The following CADM1 variants were observed in gnomAD, a reference collection of about 807,000 sequenced individuals.
The protein encoded by CADM1 is TSLC-1.
Under a neutral mutation model 53.1 loss-of-function variants are expected in CADM1, and 15 were observed. The observed-to-expected ratio is 0.28, with a 90% CI of 0.19 to 0.44. The LOEUF (loss-of-function observed/expected upper bound fraction) is 0.44, where lower values mean the gene tolerates loss of function less well. Ranked by LOEUF, CADM1 falls within the 20% of genes least tolerant of loss-of-function variation. The pLI, the probability that CADM1 is intolerant of heterozygous loss-of-function variation, is 1.00. For synonymous variants in CADM1, 281 were observed against 243.0 expected (o/e 1.16, Z -1.45); for missense variants, 434 against 611.3 (o/e 0.71, Z 3.06).
chr11:115,297,335 C>T (rs1331999853), intron 1 of CADM1, among the ~76,000 whole-genome samples: 1 of 152,174 alleles, frequency 6.6e-6, no homozygotes, highest in East Asian at 1.9e-4. Context: ...GACAGGTAGA[C>T]AGATGTTCAG....
At chr11:115,331,413 A>C (rs899865901) in intron 1 of CADM1, among the ~76,000 whole-genome samples, 24 of 152,220 alleles carry the variant, frequency 1.6e-4, no homozygotes, top group African/African-American at 5.5e-4. Context: ...CCCTGCAGGC[A>C]GATCTGTGAA....
chr11:115,423,647 C>T (rs1947817216), intron 1 of CADM1, among the ~76,000 whole-genome samples: 1 of 152,190 alleles, frequency 6.6e-6, no homozygotes, highest in South Asian at 2.1e-4. Context: ...GGTAACCTCA[C>T]TTTGAACCTT....
intron 9 of CADM1, among the ~76,000 whole-genome samples, chr11:115,197,379 G>A (rs1295914785): frequency 6.6e-6 from 1 of 152,160 alleles, no homozygotes; most frequent in Admixed American, 6.5e-5. Context: ...AACAGGCAAA[G>A]CGATTAAAGT....
intron 1 of CADM1, among the ~76,000 whole-genome samples, chr11:115,479,822 C>A (rs965423879): frequency 4.6e-5 from 7 of 152,162 alleles, no homozygotes; most frequent in Non-Finnish European, 8.8e-5. Flanking sequence ...CTTGTCTAGG[C>A]TAAGGACATG....
chr11:115,276,883 G>A (rs1158388430), intron 1 of CADM1, among the ~76,000 whole-genome samples: 1 of 151,946 alleles, frequency 6.6e-6, no homozygotes, highest in East Asian at 1.9e-4. Flanking sequence ...CCCTCATACT[G>A]TCATCTGTCC....
At chr11:115,346,351 A>C (rs1945577495) in intron 1 of CADM1, among the ~76,000 whole-genome samples, 1 of 152,182 alleles carries the variant, frequency 6.6e-6, no homozygotes, top group African/African-American at 2.4e-5. Flanking sequence ...AAAACATTAC[A>C]AAATCAACTC....
At chr11:115,270,599 A>G (rs1169056873) in intron 1 of CADM1, among the ~76,000 whole-genome samples, 1 of 152,222 alleles carries the variant, frequency 6.6e-6, no homozygotes, top group African/African-American at 2.4e-5. Flanking sequence ...CTGATGGCCC[A>G]GCAAAGCTCC....
intron 1 of CADM1, among the ~76,000 whole-genome samples, chr11:115,274,906 T>C (rs1943402904): frequency 1.3e-5 from 2 of 152,152 alleles, no homozygotes; most frequent in Admixed American, 6.5e-5. Context: ...CTGCCCTGGG[T>C]CCTCTACAAA....
At chr11:115,470,785 A>G (rs962740706) in intron 1 of CADM1, among the ~76,000 whole-genome samples, 1 of 152,222 alleles carries the variant, frequency 6.6e-6, no homozygotes, top group Admixed American at 6.5e-5. Context: ...TTGTACAAGG[A>G]CATTACCTAC....
chr11:115,358,345 C>T (rs997074653), intron 1 of CADM1, among the ~76,000 whole-genome samples: 1 of 152,174 alleles, frequency 6.6e-6, no homozygotes, highest in Non-Finnish European at 1.5e-5. Context: ...AAAGGCCTCA[C>T]GTGGCTGAGG....
chr11:115,234,663 T>A (rs1941946579), intron 3 of CADM1, among the ~76,000 whole-genome samples: 2 of 151,876 alleles, frequency 1.3e-5, no homozygotes, highest in African/African-American at 4.8e-5. Flanking sequence ...GAGGCTGAGG[T>A]GGGTGGATCA....
At chr11:115,379,462 G>A (rs970965399) in intron 1 of CADM1, among the ~76,000 whole-genome samples, 1 of 152,178 alleles carries the variant, frequency 6.6e-6, no homozygotes, top group Non-Finnish European at 1.5e-5. Flanking sequence ...AAGACCAAAT[G>A]TAGTCTGATT....
chr11:115,416,403 A>G (rs1355010966), intron 1 of CADM1, among the ~76,000 whole-genome samples: 2 of 152,196 alleles, frequency 1.3e-5, no homozygotes, highest in Non-Finnish European at 2.9e-5. Context: ...GATTGTAAAC[A>G]TGGAATGAAT....
intron 9 of CADM1, among the ~76,000 whole-genome samples, chr11:115,193,600 G>A (rs1226806095): frequency 2.6e-5 from 4 of 152,040 alleles, no homozygotes; most frequent in Non-Finnish European, 5.9e-5. Flanking sequence ...TAAAACCAGG[G>A]TAAGAAAAAC....
At chr11:115,455,499 A>T (rs1184831280) in intron 1 of CADM1, among the ~76,000 whole-genome samples, 1 of 152,158 alleles carries the variant, frequency 6.6e-6, no homozygotes, top group Non-Finnish European at 1.5e-5. Context: ...CTCAAAATGT[A>T]GATGAAGCCC....
chr11:115,344,863 C>G (rs989977474), intron 1 of CADM1, among the ~76,000 whole-genome samples: 2 of 152,170 alleles, frequency 1.3e-5, no homozygotes, highest in Non-Finnish European at 2.9e-5. Flanking sequence ...TTCCCCATTA[C>G]GTGTCTACAG....
intron 1 of CADM1, among the ~76,000 whole-genome samples, chr11:115,493,142 T>C (rs951860006): frequency 6.6e-6 from 1 of 152,052 alleles, no homozygotes; most frequent in Non-Finnish European, 1.5e-5. Context: ...AGATATCTTC[T>C]TGTGACATGA....
At chr11:115,306,452 T>C (rs1400948869) in intron 1 of CADM1, among the ~76,000 whole-genome samples, 1 of 151,996 alleles carries the variant, frequency 6.6e-6, no homozygotes, top group Non-Finnish European at 1.5e-5. Context: ...CATGACTACA[T>C]CACCTACTAA....
rs2135220395 is a variant in CADM1 at position 115,403,010 on chromosome 11, G to A, written c.124+101261C>T. On this transcript the variant is annotated intron_variant, in intron 1 of 11. Transcript: ENST00000331581. Reference sequence around the variant, plus strand: ...TTTAGCAAACACCATAGGAAAGAATGCATGCTAAAATTACAAAGAGAAAAA... The same window carrying A: ...TTTAGCAAACACCATAGGAAAGAATACATGCTAAAATTACAAAGAGAAAAA... Among the ~76,000 whole-genome samples, 3 of 152,308 alleles carry A rather than the reference G, an allele frequency of 2.0e-5. 1 individual carries two copies. The Middle Eastern group carries it at 0.01, about 518-fold the overall frequency.
Sources: gnomAD v4.1 joint callset for allele counts (sites outside exome capture counted in the v4.1 genomes callset) on GRCh38, gnomAD v4.1.1 for gene constraint, MANE v1.5 for transcripts, NCBI Gene and HGNC (gene_info 2026-07-23, HGNC 2026-07-21) for gene names.